The following COL25A1 variants were observed in gnomAD, a reference collection of about 807,000 sequenced individuals.
COL25A1 encodes collagen alpha-1(XXV) chain.
COL25A1 carries 103 observed loss-of-function variants against 128.4 expected under a neutral mutation model. The ratio of observed to expected loss-of-function variants is 0.80; its 90% CI spans 0.68 to 0.94. The LOEUF (loss-of-function observed/expected upper bound fraction) is 0.94, where lower values mean the gene tolerates loss of function less well. COL25A1 is among the 40% of genes least tolerant of loss of function. The pLI is 0.00. For missense variants in COL25A1, 745 were observed against 840.0 expected (o/e 0.89, Z 1.40); for synonymous variants, 279 against 277.2 (o/e 1.01, Z -0.06).
At chr4:109,278,459 A>G (rs1723058455) in intron 3 of COL25A1, among the ~76,000 whole-genome samples, 1 of 152,188 alleles carries the variant, frequency 6.6e-6, no homozygotes, top group Non-Finnish European at 1.5e-5. Context: ...AAAATGTTTT[A>G]TATGTTTTTC....
chr4:108,907,628 G>C (rs60374148), intron 13 of COL25A1, among the ~76,000 whole-genome samples: 32,571 of 152,148 alleles, frequency 0.21, 3,712 homozygotes, highest in African/African-American at 0.25. Flanking sequence ...CATTCAGAGA[G>C]AGGAAGTAAC....
intron 3 of COL25A1, among the ~76,000 whole-genome samples, chr4:109,131,288 T>C (rs951483840): frequency 2.0e-5 from 3 of 149,596 alleles, no homozygotes; most frequent in African/African-American, 7.7e-5. Context: ...TACGGATTTC[T>C]TTTTACTTTT....
chr4:109,034,263 T>C (rs1442675093), intron 5 of COL25A1, among the ~76,000 whole-genome samples: 2 of 152,226 alleles, frequency 1.3e-5, no homozygotes, highest in African/African-American at 4.8e-5. Context: ...ATATGGTTTT[T>C]GCCTTGATAA....
At chr4:109,001,241 C>A (rs183724441) in intron 6 of COL25A1, among the ~76,000 whole-genome samples, 1 of 152,186 alleles carries the variant, frequency 6.6e-6, no homozygotes, top group Non-Finnish European at 1.5e-5. Context: ...TAAATGCCTG[C>A]ACTACAGATA....
intron 5 of COL25A1, among the ~76,000 whole-genome samples, chr4:109,047,401 C>G (rs575649416): frequency 1.3e-5 from 2 of 152,174 alleles, no homozygotes; most frequent in African/African-American, 4.8e-5. Flanking sequence ...ATCATATGTT[C>G]TCACTCATAA....
At chr4:108,887,610 A>G (rs1043119420) in intron 18 of COL25A1, among the ~76,000 whole-genome samples, 5 of 152,166 alleles carry the variant, frequency 3.3e-5, no homozygotes, top group African/African-American at 9.7e-5. Flanking sequence ...CCTTCTCTCA[A>G]TATAGTTTAA....
At chr4:109,261,528 T>C (rs1247413477) in intron 3 of COL25A1, among the ~76,000 whole-genome samples, 1 of 152,050 alleles carries the variant, frequency 6.6e-6, no homozygotes. Context: ...ATTCTGTCTC[T>C]AAAATAAATA....
intron 2 of COL25A1, 69 bp downstream of exon 2, chr4:109,301,654 T>C: frequency 6.5e-7 from 1 of 1,530,552 alleles, no homozygotes; most frequent in South Asian, 1.2e-5. Flanking sequence ...GGGTAGCGGC[T>C]AGTCATGCAC....
intron 11 of COL25A1, among the ~76,000 whole-genome samples, chr4:108,936,699 C>T (rs1041780996): frequency 6.6e-6 from 1 of 151,730 alleles, no homozygotes; most frequent in Non-Finnish European, 1.5e-5. Context: ...GTACCTACAG[C>T]TGACTCCCCA....
chr4:109,243,973 G>T (rs1401978959), intron 3 of COL25A1, among the ~76,000 whole-genome samples: 1 of 152,008 alleles, frequency 6.6e-6, no homozygotes, highest in Non-Finnish European at 1.5e-5. Context: ...AACCATTAAA[G>T]ATTAAAACAG....
intron 3 of COL25A1, among the ~76,000 whole-genome samples, chr4:109,096,966 T>C (rs1765449520): frequency 6.6e-6 from 1 of 152,170 alleles, no homozygotes; most frequent in Non-Finnish European, 1.5e-5. Flanking sequence ...GCAACCGTAA[T>C]AGCAGGTTGT....
chr4:109,287,292 G>A (rs1723981392), intron 3 of COL25A1, among the ~76,000 whole-genome samples: 1 of 152,070 alleles, frequency 6.6e-6, no homozygotes, highest in Non-Finnish European at 1.5e-5. Context: ...GAAATAAGTA[G>A]GGTTTAGCAG....
chr4:108,936,499 G>C (rs1747422573), intron 11 of COL25A1, among the ~76,000 whole-genome samples: 1 of 152,070 alleles, frequency 6.6e-6, no homozygotes, highest in South Asian at 2.1e-4. Flanking sequence ...CCCAGGAGGT[G>C]GTGGTTGCAG....
At chr4:109,106,638 C>CA (rs1766459805) in intron 3 of COL25A1, among the ~76,000 whole-genome samples, 2 of 152,162 alleles carry the variant, frequency 1.3e-5, no homozygotes, top group South Asian at 4.2e-4. Context: ...ATCTTACTAA[C>CA]ACTGGGCAGA....
At chr4:109,270,068 T>C (rs1726806267) in intron 3 of COL25A1, among the ~76,000 whole-genome samples, 2 of 151,982 alleles carry the variant, frequency 1.3e-5, no homozygotes, top group African/African-American at 2.4e-5. Flanking sequence ...TGGGACATAT[T>C]TCAAAATAAT....
intron 3 of COL25A1, among the ~76,000 whole-genome samples, chr4:109,179,516 T>C (rs1413900393): frequency 6.6e-6 from 1 of 152,252 alleles, no homozygotes; most frequent in Non-Finnish European, 1.5e-5. Context: ...TATGTTAGGA[T>C]AGAGAAAGGT....
intron 5 of COL25A1, among the ~76,000 whole-genome samples, chr4:109,027,002 G>C (rs1758361307): frequency 6.6e-6 from 1 of 152,182 alleles, no homozygotes; most frequent in Non-Finnish European, 1.5e-5. Flanking sequence ...GCTAGGGATG[G>C]GGCAGATGTG....
At chr4:109,179,722 T>C (rs912195054) in intron 3 of COL25A1, among the ~76,000 whole-genome samples, 3 of 152,226 alleles carry the variant, frequency 2.0e-5, no homozygotes, top group African/African-American at 7.2e-5. Context: ...TGGTCTTCTG[T>C]ACAGTTTGAA....
chr4:109,008,841 T>A (rs191029036), intron 6 of COL25A1, among the ~76,000 whole-genome samples: 9 of 152,160 alleles, frequency 5.9e-5, no homozygotes, highest in Admixed American at 1.3e-4. Context: ...GCAAGCTGAG[T>A]ACGGTGGCTT....
Sources: allele counts gnomAD v4.1 joint callset (sites outside exome capture counted in the v4.1 genomes callset), GRCh38; gene constraint gnomAD v4.1.1; transcripts MANE v1.5; gene names NCBI Gene and HGNC (gene_info 2026-07-23, HGNC 2026-07-21).